Variants in FHIT observed in about 807,000 individuals in gnomAD.
FHIT encodes fragile histidine triad diadenosine triphosphatase.
Under a neutral mutation model 17.9 loss-of-function variants are expected in FHIT, and 19 were observed. The observed-to-expected ratio is 1.06, with a 90% CI of 0.74 to 1.56. FHIT has a LOEUF of 1.56. Among genes scored for constraint, FHIT ranks in the 40% most tolerant of loss-of-function variants. The pLI, the probability that FHIT is intolerant of heterozygous loss-of-function variation, is 0.00. For missense variants in FHIT, 248 were observed against 189.2 expected (o/e 1.31, Z -1.82); for synonymous variants, 81 against 69.7 (o/e 1.16, Z -0.81).
At chr3:60,090,797 G>T (rs537476407) in intron 5 of FHIT, among the ~76,000 whole-genome samples, 1 of 152,196 alleles carries the variant, frequency 6.6e-6, no homozygotes, top group Non-Finnish European at 1.5e-5. Context: ...AAGGAGACAA[G>T]TGTTACTACT....
At chr3:60,408,328 C>T (rs939206728) in intron 5 of FHIT, among the ~76,000 whole-genome samples, 2 of 152,012 alleles carry the variant, frequency 1.3e-5, no homozygotes, top group African/African-American at 4.8e-5. Context: ...CAACAAAGTC[C>T]CATTGTCAGA....
At chr3:60,874,168 C>A (rs1704539780) in intron 3 of FHIT, among the ~76,000 whole-genome samples, 1 of 152,054 alleles carries the variant, frequency 6.6e-6, no homozygotes, top group Non-Finnish European at 1.5e-5. Flanking sequence ...ATGGTAATAC[C>A]TACATTGTAG....
chr3:60,475,322 T>C (rs1449012495), intron 5 of FHIT, among the ~76,000 whole-genome samples: 2 of 152,330 alleles, frequency 1.3e-5, no homozygotes, highest in African/African-American at 2.4e-5. Flanking sequence ...TTAGCTGAAA[T>C]GATGCATGCC....
chr3:61,238,603 A>G (rs2040289810), intron 1 of FHIT, among the ~76,000 whole-genome samples: 3 of 152,350 alleles, frequency 2.0e-5, no homozygotes, highest in Middle Eastern at 6.8e-3. Context: ...CATTCTGCCA[A>G]TTGCACTGTC....
intron 3 of FHIT, among the ~76,000 whole-genome samples, chr3:60,923,879 T>A (rs942900132): frequency 1.3e-5 from 2 of 152,116 alleles, no homozygotes; most frequent in African/African-American, 4.8e-5. Flanking sequence ...GCTTTTCCAA[T>A]GGTCTTAGCA....
intron 4 of FHIT, among the ~76,000 whole-genome samples, chr3:60,720,984 G>A (rs1275783444): frequency 6.6e-6 from 1 of 152,200 alleles, no homozygotes; most frequent in Non-Finnish European, 1.5e-5. Context: ...TTGGGAGGAA[G>A]TATGGTAACA....
intron 8 of FHIT, among the ~76,000 whole-genome samples, chr3:59,782,006 G>C (rs1278351435): frequency 1.3e-5 from 2 of 152,110 alleles, no homozygotes; most frequent in South Asian, 2.1e-4. Context: ...AGATGTCTCA[G>C]GGAGGAACAC....
At chr3:60,366,928 T>G (rs889140459) in intron 5 of FHIT, among the ~76,000 whole-genome samples, 1 of 152,200 alleles carries the variant, frequency 6.6e-6, no homozygotes, top group Admixed American at 6.5e-5. Context: ...TCAACTTATA[T>G]AGGTTGAGGC....
chr3:60,704,477 T>C (rs2041323787), intron 4 of FHIT, among the ~76,000 whole-genome samples: 1 of 152,192 alleles, frequency 6.6e-6, no homozygotes, highest in African/African-American at 2.4e-5. Context: ...CTTTTATTCA[T>C]AGCAGATGGA....
At chr3:60,805,977 A>T (rs564155945) in intron 4 of FHIT, among the ~76,000 whole-genome samples, 1 of 152,358 alleles carries the variant, frequency 6.6e-6, no homozygotes, top group Admixed American at 6.5e-5. Flanking sequence ...TCACAATGAC[A>T]TATACATATA....
At chr3:60,089,702 A>C (rs1444084021) in intron 5 of FHIT, among the ~76,000 whole-genome samples, 1 of 152,214 alleles carries the variant, frequency 6.6e-6, no homozygotes, top group Admixed American at 6.5e-5. Flanking sequence ...TATTTCTCAC[A>C]GATCTGGGAA....
chr3:60,354,938 T>C (rs976711247), intron 5 of FHIT, among the ~76,000 whole-genome samples: 26 of 152,312 alleles, frequency 1.7e-4, no homozygotes, highest in African/African-American at 5.5e-4. Flanking sequence ...TGACTACTTA[T>C]CCTTAAACAT....
chr3:60,773,595 A>G (rs1700118548), intron 4 of FHIT, among the ~76,000 whole-genome samples: 1 of 151,990 alleles, frequency 6.6e-6, no homozygotes, highest in Non-Finnish European at 1.5e-5. Flanking sequence ...ATGACCAGAC[A>G]ACTACTTTAA....
At chr3:59,950,705 G>C (rs1009556997) in intron 7 of FHIT, among the ~76,000 whole-genome samples, 1 of 152,130 alleles carries the variant, frequency 6.6e-6, no homozygotes, top group African/African-American at 2.4e-5. Context: ...TAGCCTCCAG[G>C]AGGGAAATGT....
chr3:60,224,353 G>A (rs1027128526), intron 5 of FHIT, among the ~76,000 whole-genome samples: 2 of 152,170 alleles, frequency 1.3e-5, no homozygotes, highest in African/African-American at 4.8e-5. Context: ...GCAGTAGATA[G>A]ATTTTTACAG....
chr3:60,470,403 G>C (rs34984537), intron 5 of FHIT, among the ~76,000 whole-genome samples: 29,817 of 151,820 alleles, frequency 0.2, 3,654 homozygotes, highest in East Asian at 0.38. Flanking sequence ...TTCTACCGCA[G>C]CTAAGCTGGC....
intron 2 of FHIT, among the ~76,000 whole-genome samples, chr3:61,189,882 T>C (rs1370442118): frequency 4.6e-5 from 7 of 152,344 alleles, no homozygotes; most frequent in African/African-American, 9.6e-5. Flanking sequence ...GCTAGCCATA[T>C]GTAGAAAGCT....
intron 5 of FHIT, among the ~76,000 whole-genome samples, chr3:60,165,146 G>T (rs1238600537): frequency 6.6e-6 from 1 of 152,186 alleles, no homozygotes; most frequent in Non-Finnish European, 1.5e-5. Context: ...AGGAACAGCA[G>T]GCTGTGAGCT....
intron 5 of FHIT, among the ~76,000 whole-genome samples, chr3:60,096,288 TC>T (rs927055796): frequency 6.6e-6 from 1 of 152,052 alleles, no homozygotes; most frequent in Non-Finnish European, 1.5e-5. Context: ...GCAGGGGTGG[TC>T]CCCCTATCTG....
Sources: allele counts gnomAD v4.1 joint callset (sites outside exome capture counted in the v4.1 genomes callset), GRCh38; gene constraint gnomAD v4.1.1; transcripts MANE v1.5; gene names NCBI Gene and HGNC (gene_info 2026-07-23, HGNC 2026-07-21).